Variants in VPS33B observed in about 807,000 individuals in gnomAD.
VPS33B encodes the protein VPS33B late endosome and lysosome associated, also known as vacuolar protein sorting-associated protein 33B.
Under a neutral mutation model 95.3 loss-of-function variants are expected in VPS33B, and 80 were observed. The observed-to-expected ratio is 0.84, with a 90% CI of 0.70 to 1.01. The LOEUF (loss-of-function observed/expected upper bound fraction) is 1.01, where lower values mean the gene tolerates loss of function less well. Ranked by LOEUF, VPS33B falls within the 50% of genes least tolerant of loss-of-function variation. The pLI, the probability that VPS33B is intolerant of heterozygous loss-of-function variation, is 0.00. For missense variants in VPS33B, 715 were observed against 773.4 expected, an observed-to-expected ratio of 0.92 and a Z score of 0.90; for synonymous variants, 280 against 280.4, an observed-to-expected ratio of 1.00 and a Z score of 0.01.
chr15:91,008,388 C>A (rs2040677830), intron 6 of VPS33B, among the ~76,000 whole-genome samples: 1 of 152,198 alleles, frequency 6.6e-6, no homozygotes, highest in African/African-American at 2.4e-5. Flanking sequence ...CCTCAGCCTC[C>A]CAAGTAGCTG....
intron 6 of VPS33B, among the ~76,000 whole-genome samples, chr15:91,008,825 A>T (rs2040692029): frequency 6.6e-6 from 1 of 152,180 alleles, no homozygotes; most frequent in East Asian, 1.9e-4. Context: ...GACTTCCCTC[A>T]AGAAGAGAAA....
Position 91,018,582 on chromosome 15 carries a change from T to C in VPS33B, c.97-697A>G, listed in dbSNP as rs1298409424. Among the ~76,000 whole-genome samples, 2 of 152,032 alleles carry C rather than the reference T, an allele frequency of 1.3e-5. No individual in the cohort carries two copies. Among genetic ancestry groups the C allele is most frequent in the African/African-American group, 2.4e-5 (1 of 41,388 alleles). Reference sequence around the variant, plus strand: ...GATCAGAAAGAGAGCATAGGCTGTGTAGTAAGGGGACGATTTTGCCCTCCG... The same window carrying C: ...GATCAGAAAGAGAGCATAGGCTGTGCAGTAAGGGGACGATTTTGCCCTCCG... On this transcript the variant is annotated intron_variant, in intron 1 of 22. Transcript: ENST00000333371. The surrounding 1 kb of genome is among the most constrained non-coding windows in gnomAD (Gnocchi z 4.7).
At position 91,013,660 on chromosome 15, in the gene VPS33B, A is replaced by C; in HGVS notation, c.357+144T>G. The C allele has an allele frequency of 1.1e-6, 1 of 880,462 alleles. No homozygotes were observed. The highest frequency in any genetic ancestry group is 1.9e-6 in the Non-Finnish European group (1 of 530,896). 54.5% of individuals were successfully genotyped at this position (880,462 alleles called of 1,614,324 possible). A position where few individuals can be genotyped will look rare whatever the true frequency, so the allele number is the denominator to read the frequency against. ...CCATGAGCTAAATAAATTTCTGTTC[A>C]TTATAAATTACCTAGTCTCAGGTAT... On this transcript the variant is annotated intron_variant, in intron 5 of 22. Coordinates refer to ENST00000333371, the MANE Select transcript of VPS33B (RefSeq NM_018668.5). The surrounding 1 kb of genome is among the most constrained non-coding windows in gnomAD (Gnocchi z 4.5).
Position 91,002,299 on chromosome 15 carries a change from A to C in VPS33B, c.1273-117T>G. On this transcript the variant is annotated intron_variant, in intron 17 of 22. Coordinates refer to ENST00000333371, the MANE Select transcript of VPS33B (RefSeq NM_018668.5). This position sits in a 1 kb window ranked among gnomAD's most constrained non-coding sequence, Gnocchi z 4.7. Reference sequence around the variant, plus strand: ...CCTCTGCTGCAGTGTGAAGGAGCTCACACTTTGTTGAGATAAATTTTCACA... The same window carrying C: ...CCTCTGCTGCAGTGTGAAGGAGCTCCCACTTTGTTGAGATAAATTTTCACA... 4.9e-6 allele frequency: 7 copies of C among 1,436,776 alleles called. No individual in the cohort carries two copies. The highest frequency in any genetic ancestry group is 6.7e-6 in the Non-Finnish European group (7 of 1,046,266). 89.0% of individuals were successfully genotyped at this position (1,436,776 alleles called of 1,614,324 possible). A position where few individuals can be genotyped will look rare whatever the true frequency, so the allele number is the denominator to read the frequency against.
chr15:91,007,196 G>T lies in VPS33B; in HGVS notation c.604-150C>A, dbSNP rs946968036. On this transcript the variant is annotated intron_variant, in intron 8 of 22. Transcript: ENST00000333371. This position sits in a 1 kb window ranked among gnomAD's most constrained non-coding sequence, Gnocchi z 5.3. ...AATATGGCCCTATCTACTCCCGTCT[G>T]TGTCTATCTTTCCCCAACACTCTTC... 6 of 853,850 alleles carry T rather than the reference G, an allele frequency of 7.0e-6. No homozygotes were observed. The African/African-American group carries it at 8.4e-5, about 12-fold the overall frequency. The allele number at this position is 853,850 out of a possible 1,614,324, so 52.9% of individuals were successfully genotyped here.
rs2040367943 is a variant in VPS33B, at chr15:90,999,403, C to T, written c.1774+274G>A. On this transcript the variant is annotated intron_variant, in intron 22 of 22. Transcript: ENST00000333371. This position sits in a 1 kb window ranked among gnomAD's most constrained non-coding sequence, Gnocchi z 5.1. Reference sequence around the variant, plus strand: ...GTGCAATCTCAGCTCACTGCAACCTCCACCTCCCGGGTTCAAGCAATTCTC... The same window carrying T: ...GTGCAATCTCAGCTCACTGCAACCTTCACCTCCCGGGTTCAAGCAATTCTC... 4.0e-6 allele frequency: 2 copies of T among 503,896 alleles called. No homozygotes were observed. Among genetic ancestry groups the T allele is most frequent in the African/African-American group, 3.9e-5 (2 of 51,564 alleles). 31.2% of individuals were successfully genotyped at this position (503,896 alleles called of 1,614,324 possible). A position where few individuals can be genotyped will look rare whatever the true frequency, so the allele number is the denominator to read the frequency against.
In VPS33B at chr15:91,015,257, A is replaced by G. The variant is rs2040890874; in HGVS notation, c.240-824T>C. On this transcript the variant is annotated intron_variant, in intron 3 of 22. Transcript: ENST00000333371. This position sits in a 1 kb window ranked among gnomAD's most constrained non-coding sequence, Gnocchi z 4.7. ...AGGCTGAGGCAGGAGAATCGCTTGA[A>G]CCCAGGAGGTGGAGGTTACAGTGAG... is the stretch of plus-strand genomic sequence containing the variant. 6.6e-6 allele frequency among the ~76,000 whole-genome samples: 1 copy of G among 151,932 alleles called. No homozygotes were observed. The highest frequency in any genetic ancestry group is 1.5e-5 in the Non-Finnish European group (1 of 68,004).
Position 90,998,939 on chromosome 15 carries a change from G to T in VPS33B, c.*36C>A, listed in dbSNP as rs985060802. ...ATGCCTGCATCTCACTGAGGAATGTGTTCAGGGAAGATGTCAACACTGGCC... is the reference window on the plus strand; with the variant it reads ...ATGCCTGCATCTCACTGAGGAATGTTTTCAGGGAAGATGTCAACACTGGCC... On this transcript the variant is annotated 3_prime_UTR_variant, in exon 23 of 23. Transcript: ENST00000333371. This position sits in a 1 kb window ranked among gnomAD's most constrained non-coding sequence, Gnocchi z 4.8. 7 of 1,610,432 alleles carry T rather than the reference G, an allele frequency of 4.3e-6. No homozygotes were observed. In the African/African-American group the frequency reaches 9.3e-5, roughly 22 times the overall value.
Position 91,006,032 on chromosome 15 carries a change from A to C in VPS33B, c.880T>G (p.Phe294Val). 6.2e-7 allele frequency: 1 copy of C among 1,614,236 alleles called. No individual in the cohort carries two copies. Among genetic ancestry groups the C allele is most frequent in the Non-Finnish European group, 8.5e-7 (1 of 1,180,046 alleles). The part of the protein sequence containing the change: ...KVFNEIRNEH[F>V]SNVFGFLSQK... Reference sequence around the variant, plus strand: ...CTCAAGAAGCCAAAGACATTGGAGAAGTGCTCGTTCCGAATCTCATTAAAC... The same window carrying C: ...CTCAAGAAGCCAAAGACATTGGAGACGTGCTCGTTCCGAATCTCATTAAAC... Residue 294 changes from phenylalanine to valine, a missense_variant, in exon 12 of 23, where the codon TTC (phenylalanine) becomes GTC (valine). Phe to Val is a conservative substitution (Grantham distance 50). Transcript: ENST00000333371. This position sits in a 1 kb window ranked among gnomAD's most constrained non-coding sequence, Gnocchi z 5.4.
Position 90,999,256 on chromosome 15 carries a change from G to T in VPS33B, c.1775-202C>A. 1 of 636,824 alleles carries T rather than the reference G, an allele frequency of 1.6e-6. No homozygotes were observed. Among genetic ancestry groups the T allele is most frequent in the South Asian group, 1.8e-5 (1 of 55,922 alleles). 39.4% of individuals were successfully genotyped at this position (636,824 alleles called of 1,614,324 possible). ...CCCTGCTGTGGCAGCCCAGAGTTAA[G>T]GCTATGGCAAGTTGTATTCTGAGGC... On this transcript the variant is annotated intron_variant, in intron 22 of 22. Transcript: ENST00000333371. This position sits in a 1 kb window ranked among gnomAD's most constrained non-coding sequence, Gnocchi z 5.1.
In VPS33B at chr15:91,007,560, C is replaced by T. The variant is rs748029830; in HGVS notation, c.512G>A (p.Arg171His). 2.5e-5 allele frequency: 41 copies of T among 1,614,134 alleles called. No individual in the cohort carries two copies. Among genetic ancestry groups the T allele is most frequent in the Admixed American group, 1.8e-4 (11 of 60,018 alleles). ...GGCCTGAGCTACAGTGTTGATCCAA[C>T]GCTGATCTCCTTCCTGCAGGGACCA... ...FRDYFLEGDQ[R>H]WINTVAQALH... The change falls in exon 8 of 23, where the codon CGT (arginine) becomes CAT (histidine). Residue 171 changes from arginine to histidine, a missense_variant. By Grantham distance (29) the Arg-to-His change is conservative (BLOSUM62 0). Transcript: ENST00000333371. The surrounding 1 kb of genome is among the most constrained non-coding windows in gnomAD (Gnocchi z 5.3).
In VPS33B at chr15:90,999,755, G is replaced by A. The variant is rs774894332; in HGVS notation, c.1696C>T (p.Arg566Cys). 4.3e-6 allele frequency: 7 copies of A among 1,613,986 alleles called. No homozygotes were observed. Among genetic ancestry groups the A allele is most frequent in the South Asian group, 1.1e-5 (1 of 91,074 alleles). The part of the protein sequence containing the change: ...KEDKASSESL[R>C]LILVVFLGGC... ...CCCAAGAACACCACCAAGATGAGGC[G>A]CAGGGACTCACTGGAAGCCTTGTCT... Residue 566 changes from arginine to cysteine, a missense_variant, in exon 22 of 23, where the codon CGC becomes TGC. Transcript: ENST00000333371. This position sits in a 1 kb window ranked among gnomAD's most constrained non-coding sequence, Gnocchi z 5.1.
intron 16 of VPS33B, among the ~76,000 whole-genome samples, chr15:91,004,628 C>T (rs1285693383): frequency 6.6e-6 from 1 of 152,190 alleles, no homozygotes; most frequent in Non-Finnish European, 1.5e-5. Flanking sequence ...CCACTCAGCT[C>T]TGCACCCCTG....
At chr15:91,014,320 G>A in intron 4 of VPS33B, 64 bp downstream of exon 4, 3 of 1,559,220 alleles carry the variant, frequency 1.9e-6, no homozygotes, top group Non-Finnish European at 1.8e-6. Flanking sequence ...GGTCCTTATG[G>A]CCAAGGCCCT....
intron 3 of VPS33B, among the ~76,000 whole-genome samples, chr15:91,014,635 G>A (rs1188538386): frequency 6.6e-6 from 1 of 152,074 alleles, no homozygotes; most frequent in Non-Finnish European, 1.5e-5. Flanking sequence ...TGATGAGCTG[G>A]GTACATTACT....
chr15:91,022,271 G>A lies in VPS33B; in HGVS notation c.-22C>T, dbSNP rs377488699. ...CCATGGCAGCGGTCACCTGCGCCGC[G>A]GGGTGGAAGGACGCCCTTCGTTCTG... On this transcript the variant is annotated 5_prime_UTR_variant, in exon 1 of 23. Coordinates refer to ENST00000333371, the MANE Select transcript of VPS33B (RefSeq NM_018668.5). 18 of 1,536,082 alleles carry A rather than the reference G, an allele frequency of 1.2e-5. No individual in the cohort carries two copies. The highest frequency in any genetic ancestry group is 1.9e-5 in the Admixed American group (1 of 51,570).
At chr15:91,017,995 C>G in intron 1 of VPS33B, 110 bp from the exon 2 acceptor site, 1 of 918,898 alleles carries the variant, frequency 1.1e-6, no homozygotes, top group Non-Finnish European at 1.8e-6. Context: ...TGGGAGGGCA[C>G]TAAGTATCGT....
chr15:91,006,128 C>G lies in VPS33B; in HGVS notation c.853-69G>C. 1 of 1,555,004 alleles carries G rather than the reference C, an allele frequency of 6.4e-7. No individual in the cohort carries two copies. Among genetic ancestry groups the G allele is most frequent in the Middle Eastern group, 1.7e-4 (1 of 5,954 alleles). ...ATAACTTAGCAGTAGAATGACAGTA[C>G]AGGAAGGGTACTCAGGTGTTCTGGC... On this transcript the variant is annotated intron_variant, in intron 11 of 22. Coordinates refer to ENST00000333371, the MANE Select transcript of VPS33B (RefSeq NM_018668.5). The surrounding 1 kb of genome is among the most constrained non-coding windows in gnomAD (Gnocchi z 5.4).
In VPS33B at chr15:91,007,523, G is replaced by A; in HGVS notation, c.549C>T (p.Leu183=). 6.2e-7 allele frequency: 1 copy of A among 1,614,234 alleles called. No individual in the cohort carries two copies. Among genetic ancestry groups the A allele is most frequent in the South Asian group, 1.1e-5 (1 of 91,086 alleles). ...INTVAQALHL[L]STLYGPFPNC... is the part of the protein sequence containing the mutation. ...TTGGAAAGGGTCCATAGAGAGTGCT[G>A]AGAAGGTGTAAGGCCTGAGCTACAG... The change falls in exon 8 of 23, where the codon CTC becomes CTT. Residue 183 remains leucine, a synonymous_variant. Coordinates refer to ENST00000333371, the MANE Select transcript of VPS33B (RefSeq NM_018668.5). This position sits in a 1 kb window ranked among gnomAD's most constrained non-coding sequence, Gnocchi z 5.3.
Sources: allele counts gnomAD v4.1 joint callset (sites outside exome capture counted in the v4.1 genomes callset), GRCh38; gene constraint gnomAD v4.1.1; non-coding constraint Gnocchi (gnomAD v3.1); transcripts MANE v1.5; gene names NCBI Gene and HGNC (gene_info 2026-07-23, HGNC 2026-07-21).